The following CRB1 variants were observed in gnomAD, a reference collection of about 807,000 sequenced individuals.
CRB1 encodes protein crumbs homolog 1.
In CRB1, 83 loss-of-function variants were observed where a neutral mutation model predicts 120.0. That is an observed-to-expected ratio of 0.69 (90% CI 0.58 to 0.83). The LOEUF is 0.83. Among genes scored for constraint, CRB1 ranks in the 40% least tolerant of loss-of-function variants. The pLI, the probability that CRB1 is intolerant of heterozygous loss-of-function variation, is 0.00. For missense variants in CRB1, 1,699 were observed against 1,687.6 expected (o/e 1.01, Z -0.12); for synonymous variants, 625 against 612.5 (o/e 1.02, Z -0.30).
At chr1:197,273,456 A>G (rs932456878) in intron 1 of CRB1, among the ~76,000 whole-genome samples, 3 of 151,980 alleles carry the variant, frequency 2.0e-5, no homozygotes, top group East Asian at 3.9e-4. Context: ...TCCATACTGT[A>G]CTCTTAGAAA....
At chr1:197,429,092 C>G in intron 7 of CRB1, 2 of 1,506,216 alleles carry the variant, frequency 1.3e-6, no homozygotes, top group Non-Finnish European at 1.8e-6. Flanking sequence ...TTCTTTTTAT[C>G]ATCTATAAAA....
intron 1 of CRB1, among the ~76,000 whole-genome samples, chr1:197,327,022 C>A (rs1558055381): frequency 1.4e-5 from 2 of 146,732 alleles, no homozygotes. Flanking sequence ...AAGGTAAGAG[C>A]TAGCATTTAC....
chr1:197,456,030 T>C (rs1328877219), intron 11 of CRB1, among the ~76,000 whole-genome samples: 1 of 152,152 alleles, frequency 6.6e-6, no homozygotes, highest in Non-Finnish European at 1.5e-5. Context: ...TTGAATGTAT[T>C]TTAATTTAGT....
Position 197,462,834 on chromosome 1 carries a change from C to T in CRB1, c.4006-14830C>T, listed in dbSNP as rs530714543. Among the ~76,000 whole-genome samples, 12 of 151,568 alleles carry T rather than the reference C, an allele frequency of 7.9e-5. 1 individual carries two copies. In the South Asian group the frequency reaches 2.1e-3, roughly 26 times the overall value. ...CAATTATCTACATCTCAGCAAATAA[C>T]GCCAGAGTGTCATGTAATATGCTGA... On this transcript the variant is annotated intron_variant, in intron 11 of 11. Coordinates refer to ENST00000367400, the MANE Select transcript of CRB1 (RefSeq NM_201253.3).
At chr1:197,410,222 A>T (rs2125449253) in intron 5 of CRB1, among the ~76,000 whole-genome samples, 1 of 152,312 alleles carries the variant, frequency 6.6e-6, no homozygotes, top group African/African-American at 2.4e-5. Context: ...GAAATATTTG[A>T]TAATCAAGCT....
intron 5 of CRB1, among the ~76,000 whole-genome samples, chr1:197,373,272 T>C (rs187478516): frequency 4.6e-5 from 7 of 152,332 alleles, no homozygotes; most frequent in South Asian, 2.1e-4. Flanking sequence ...TAAGTAATTA[T>C]ACTAGTTGGT....
the CRB1 span, among the ~76,000 whole-genome samples, chr1:197,232,321 A>G: frequency 6.6e-6 from 1 of 152,194 alleles, no homozygotes; most frequent in Admixed American, 6.5e-5. Context: ...TACAGTAGTA[A>G]TGGGAAATCA....
At chr1:197,332,172 A>C (rs1658898416) in intron 2 of CRB1, among the ~76,000 whole-genome samples, 1 of 152,064 alleles carries the variant, frequency 6.6e-6, no homozygotes, top group African/African-American at 2.4e-5. Context: ...AAAACAAACA[A>C]AAAAAACAGC....
intron 1 of CRB1, among the ~76,000 whole-genome samples, chr1:197,308,716 G>A (rs1048626314): frequency 6.6e-6 from 1 of 151,366 alleles, no homozygotes; most frequent in African/African-American, 2.4e-5. Context: ...TGGTTTAATA[G>A]GTCCTTAATA....
intron 11 of CRB1, among the ~76,000 whole-genome samples, chr1:197,460,380 C>T (rs959327148): frequency 2.0e-5 from 3 of 152,056 alleles, no homozygotes; most frequent in African/African-American, 7.2e-5. Context: ...TTAGTGCAAT[C>T]TATTTTCAGA....
the CRB1 span, among the ~76,000 whole-genome samples, chr1:197,255,996 T>C: frequency 0.015 from 1,736 of 116,444 alleles, 37 homozygotes; most frequent in East Asian, 0.051. Flanking sequence ...TATATATATA[T>C]ACACTACAAT....
At chr1:197,212,472 A>G in the CRB1 span, among the ~76,000 whole-genome samples, 77 of 152,288 alleles carry the variant, frequency 5.1e-4, no homozygotes, top group African/African-American at 1.8e-3. Flanking sequence ...AAAAGCAACA[A>G]CATAAATGAG....
Position 197,346,290 on chromosome 1 carries a change from GA to G in CRB1, c.849-1037del, listed in dbSNP as rs201746647. Among the ~76,000 whole-genome samples the G allele has an allele frequency of 4.5e-3, 615 of 137,966 alleles. 1 individual carries two copies. The highest frequency in any genetic ancestry group is 0.015 in the Middle Eastern group (4 of 266). The allele number at this position is 137,966 out of a possible 152,430, so 90.5% of individuals were successfully genotyped here. On this transcript the variant is annotated intron_variant, in intron 3 of 11. Transcript: ENST00000367400. ...TGAGATACATTGGAAAATCAGAACT[GA>G]AAAAAAAAAAAAGAACTTCTTGCAT...
intron 2 of CRB1, among the ~76,000 whole-genome samples, chr1:197,337,481 T>A (rs1265021967): frequency 6.6e-6 from 1 of 152,186 alleles, no homozygotes; most frequent in Admixed American, 6.5e-5. Context: ...ATTCAAAGAT[T>A]GGCATGGTAA....
intron 4 of CRB1, among the ~76,000 whole-genome samples, chr1:197,351,414 A>G (rs1379044589): frequency 2.0e-5 from 3 of 151,688 alleles, no homozygotes; most frequent in Non-Finnish European, 4.4e-5. Flanking sequence ...AGAAAAAAAG[A>G]AAAGAGCATG....
At chr1:197,246,488 C>G in the CRB1 span, among the ~76,000 whole-genome samples, 29 of 152,070 alleles carry the variant, frequency 1.9e-4, no homozygotes, top group South Asian at 5.8e-3. Flanking sequence ...TTCTTGTGCC[C>G]TGTGTCCCAT....
At position 197,453,492 on chromosome 1, in the gene CRB1, G is replaced by GTA. The variant is rs1396553221; in HGVS notation, c.4005+11208_4005+11209dup. Among the ~76,000 whole-genome samples the GTA allele has an allele frequency of 1.2e-3, 178 of 144,524 alleles. 1 individual carries two copies. The highest frequency in any genetic ancestry group is 4.3e-3 in the African/African-American group (170 of 39,696). The allele number at this position is 144,524 out of a possible 152,430, so 94.8% of individuals were successfully genotyped here. A position where few individuals can be genotyped will look rare whatever the true frequency, so the allele number is the denominator to read the frequency against. ...ATATATACATTAAATAACTGTGTGT[G>GTA]TATATATATGTGTATATATATGTGT... is the stretch of plus-strand genomic sequence containing the variant. On this transcript the variant is annotated intron_variant, in intron 11 of 11. Coordinates refer to ENST00000367400, the MANE Select transcript of CRB1 (RefSeq NM_201253.3).
At chr1:197,270,223 A>C (rs1229027712) in intron 1 of CRB1, among the ~76,000 whole-genome samples, 3 of 152,218 alleles carry the variant, frequency 2.0e-5, no homozygotes, top group African/African-American at 7.2e-5. Context: ...CATTGTGTTA[A>C]GCATTTTCTA....
Position 197,434,920 on chromosome 1 carries a change from T to C in CRB1, c.3057T>C (p.Tyr1019=). The change falls in exon 9 of 12, where the codon TAT becomes TAC. Residue 1019 remains tyrosine, a synonymous_variant. Coordinates refer to ENST00000367400, the MANE Select transcript of CRB1 (RefSeq NM_201253.3). ...FFQLQSGNSF[Y]MLSLTSLQSV... is the part of the protein sequence containing the mutation. ...AATTGCAAAGTGGCAACAGCTTTTA[T>C]ATGCTAAGTCTGACAAGTTTGCAGT... The C allele has an allele frequency of 6.2e-7, 1 of 1,613,902 alleles. No individual in the cohort carries two copies. The highest frequency in any genetic ancestry group is 1.1e-5 in the South Asian group (1 of 91,086).
Sources: allele counts gnomAD v4.1 joint callset (sites outside exome capture counted in the v4.1 genomes callset), GRCh38; gene constraint gnomAD v4.1.1; transcripts MANE v1.5; gene names NCBI Gene and HGNC (gene_info 2026-07-23, HGNC 2026-07-21).